Variants in URB1 observed in about 807,000 individuals in gnomAD.
URB1 encodes the protein nucleolar pre-ribosomal-associated protein 1.
Under a neutral mutation model 242.3 loss-of-function variants are expected in URB1, and 197 were observed. The observed-to-expected ratio is 0.81, with a 90% CI of 0.72 to 0.91. The LOEUF (loss-of-function observed/expected upper bound fraction) is 0.91. Ranked by LOEUF, URB1 falls within the 40% of genes least tolerant of loss-of-function variation. The pLI, the probability that URB1 is intolerant of heterozygous loss-of-function variation, is 0.00. For missense variants in URB1, 2,721 were observed against 2,860.5 expected, an observed-to-expected ratio of 0.95 and a Z score of 1.11; for synonymous variants, 1,153 against 1,201.8, an observed-to-expected ratio of 0.96 and a Z score of 0.84.
chr21:32,343,598 C>T (rs973690475), intron 24 of URB1, among the ~76,000 whole-genome samples: 2 of 152,040 alleles, frequency 1.3e-5, no homozygotes, highest in Non-Finnish European at 2.9e-5. Flanking sequence ...ATGTGGGGTA[C>T]ACAGATACAT....
chr21:32,367,239 C>A, intron 9 of URB1, among the ~76,000 whole-genome samples: 1 of 152,224 alleles, frequency 6.6e-6, no homozygotes, highest in East Asian at 1.9e-4. Flanking sequence ...TTCCTTAAGG[C>A]CACATAGCTA....
At chr21:32,385,346 A>T (rs2033572390) in intron 2 of URB1, among the ~76,000 whole-genome samples, 199 bp downstream of exon 2, 1 of 152,242 alleles carries the variant, frequency 6.6e-6, no homozygotes, top group South Asian at 2.1e-4. Flanking sequence ...TCAAATGTTA[A>T]TAATAAGTGA....
chr21:32,348,568 C>T (rs1180201937), intron 21 of URB1, among the ~76,000 whole-genome samples: 3 of 152,086 alleles, frequency 2.0e-5, no homozygotes, highest in Admixed American at 6.5e-5. Context: ...TCCTCGCCAA[C>T]GACACTCCAC....
At chr21:32,373,511 C>A in intron 7 of URB1, 136 bp downstream of exon 7, 2 of 986,576 alleles carry the variant, frequency 2.0e-6, no homozygotes, top group Non-Finnish European at 2.7e-6. Flanking sequence ...TTAATACAAC[C>A]ATATAACCAC....
intron 24 of URB1, among the ~76,000 whole-genome samples, chr21:32,342,445 G>C (rs1326334809): frequency 6.6e-6 from 1 of 152,166 alleles, no homozygotes; most frequent in Non-Finnish European, 1.5e-5. Flanking sequence ...CATCAGCTGA[G>C]GTATATCTCA....
At chr21:32,357,272 A>G (rs949816326) in intron 15 of URB1, among the ~76,000 whole-genome samples, 1 of 151,988 alleles carries the variant, frequency 6.6e-6, no homozygotes. Flanking sequence ...CAAGAAGCCA[A>G]AATTTAGTAT....
intron 30 of URB1, among the ~76,000 whole-genome samples, chr21:32,330,987 T>TA (rs1568811899): frequency 6.6e-6 from 1 of 152,194 alleles, no homozygotes; most frequent in Non-Finnish European, 1.5e-5. Context: ...AGGGCACTGA[T>TA]AGAGGATTGG....
At chr21:32,323,325 A>C (rs1157749505) in intron 32 of URB1, among the ~76,000 whole-genome samples, 1 of 152,226 alleles carries the variant, frequency 6.6e-6, no homozygotes, top group Non-Finnish European at 1.5e-5. Flanking sequence ...TTGACAAGCT[A>C]TCTACCCTTG....
At position 32,311,855 on chromosome 21, in the gene URB1, G is replaced by C. The variant is rs1402633111; in HGVS notation, c.*3063C>G. 1 of 1,614,130 alleles carries C rather than the reference G, an allele frequency of 6.2e-7. No homozygotes were observed. The highest frequency in any genetic ancestry group is 1.3e-5 in the African/African-American group (1 of 75,056). On this transcript the variant is annotated 3_prime_UTR_variant, in exon 39 of 39. Coordinates refer to ENST00000382751, the MANE Select transcript of URB1 (RefSeq NM_014825.3). ...GCCCTGACCAGCCGCTACGACAGGA[G>C]AGCTCCTCCACCTTGCCCCTCGGGG...
In URB1 at chr21:32,311,546, T is replaced by A; in HGVS notation, c.*3372A>T. On this transcript the variant is annotated 3_prime_UTR_variant, in exon 39 of 39. Transcript: ENST00000382751. ...GCCACCTTTGTGAGCTGGCTGACCC[T>A]TCTCAGGAATTTGCCTGTGTGGCCT... is the stretch of plus-strand genomic sequence containing the variant. 7.8e-7 allele frequency: 1 copy of A among 1,281,444 alleles called. No homozygotes were observed. The highest frequency in any genetic ancestry group is 1.1e-6 in the Non-Finnish European group (1 of 933,630). The allele number at this position is 1,281,444 out of a possible 1,614,324, so 79.4% of individuals were successfully genotyped here.
Position 32,322,496 on chromosome 21 carries a change from G to A in URB1, c.5322C>T (p.Phe1774=), listed in dbSNP as rs2032779432. 3 of 1,552,352 alleles carry A rather than the reference G, an allele frequency of 1.9e-6. No homozygotes were observed. The highest frequency in any genetic ancestry group is 2.6e-6 in the Non-Finnish European group (3 of 1,147,128). ...MDKVPGFYQF[F]YSSDFEQKTE... is the part of the protein sequence containing the mutation. ...AGCATACCTCAAAGTCGGAGCTGTA[G>A]AAGAACTGGTAGAAGCCTGGCACTT... The change falls in exon 33 of 39, where the codon TTC becomes TTT. Residue 1774 remains phenylalanine (F), a synonymous_variant. Transcript: ENST00000382751.
In URB1 at chr21:32,311,855, G is replaced by A; in HGVS notation, c.*3063C>T. 1 of 1,614,130 alleles carries A rather than the reference G, an allele frequency of 6.2e-7. No homozygotes were observed. Among genetic ancestry groups the A allele is most frequent in the Non-Finnish European group, 8.5e-7 (1 of 1,180,048 alleles). On this transcript the variant is annotated 3_prime_UTR_variant, in exon 39 of 39. Coordinates refer to ENST00000382751, the MANE Select transcript of URB1 (RefSeq NM_014825.3). ...GCCCTGACCAGCCGCTACGACAGGA[G>A]AGCTCCTCCACCTTGCCCCTCGGGG...
chr21:32,337,180 T>C lies in URB1; in HGVS notation c.4622-23A>G, dbSNP rs2032969325. The C allele has an allele frequency of 1.9e-6, 3 of 1,551,208 alleles. No individual in the cohort carries two copies. The East Asian group carries it at 7.3e-5, about 38-fold the overall frequency. ...GATCTACAAGTCAAAGCAGGATCGG[T>C]TTAGGAAGATGAACCCCTGACACCC... On this transcript the variant is annotated intron_variant, in intron 27 of 38. Transcript: ENST00000382751.
intron 28 of URB1, among the ~76,000 whole-genome samples, chr21:32,336,881 C>A (rs1026404056): frequency 9.2e-5 from 14 of 152,362 alleles, no homozygotes; most frequent in African/African-American, 3.4e-4. Context: ...CATCAGTCAG[C>A]TGCAGTGGCC....
At chr21:32,360,972 C>A (rs1409407637) in intron 13 of URB1, 35 bp downstream of exon 13, 2 of 1,453,596 alleles carry the variant, frequency 1.4e-6, no homozygotes, top group South Asian at 2.5e-5. Context: ...TTGGCAGCAA[C>A]AGTGGCGGCT....
In URB1 at chr21:32,392,553, G is replaced by A. The variant is rs372045386; in HGVS notation, c.142+216C>T. ...AAATAAATGTGTTGTAACATGAAAC[G>A]GTCCCAATCAAGCAAGTCGGGGCCC... is the stretch of plus-strand genomic sequence containing the variant. On this transcript the variant is annotated intron_variant, in intron 1 of 38. Transcript: ENST00000382751. Among the ~76,000 whole-genome samples, 61 of 152,338 alleles carry A rather than the reference G, an allele frequency of 4.0e-4. 1 individual carries two copies. The South Asian group carries it at 4.2e-3, about 10-fold the overall frequency.
Position 32,359,818 on chromosome 21 carries a change from T to C in URB1, c.1847A>G (p.Lys616Arg). 1 of 1,546,934 alleles carries C rather than the reference T, an allele frequency of 6.5e-7. No individual in the cohort carries two copies. The highest frequency in any genetic ancestry group is 8.7e-7 in the Non-Finnish European group (1 of 1,145,318). ...LKVALELPAS[K>R]FLWLKAQEGP... ...TACCTGTGCCTTTAACCACAGAAAC[T>C]TGCTGGCCGGCAGCTCCAGGGCCAC... The change falls in exon 14 of 39, where the codon AAG (lysine) becomes AGG (arginine). Residue 616 changes from lysine (K) to arginine (R), a missense_variant. Physicochemically the swap from Lys to Arg is conservative, Grantham distance 26. Coordinates refer to ENST00000382751, the MANE Select transcript of URB1 (RefSeq NM_014825.3).
chr21:32,366,695 G>C lies in URB1; in HGVS notation c.1258C>G (p.Pro420Ala), dbSNP rs1341365522. The change falls in exon 10 of 39, where the codon CCT becomes GCT. Residue 420 changes from proline to alanine, a missense_variant. Pro to Ala is a conservative substitution (Grantham distance 27). Transcript: ENST00000382751. ...AFQTREFIPL[P>A]RLLAMVMVTT... ...ACCATCACCATTGCCAGGAGCCGAG[G>C]CAAGGGTATAAACTCTCTGGTCTGA... 1 of 1,551,486 alleles carries C rather than the reference G, an allele frequency of 6.4e-7. No homozygotes were observed. The highest frequency in any genetic ancestry group is 8.7e-7 in the Non-Finnish European group (1 of 1,146,840).
In URB1 at chr21:32,316,998, C is replaced by T; in HGVS notation, c.6102G>A (p.Arg2034=). ...CCATCTCCTCTGCCTCCCCAGGCCT[C>T]CTCTTTCGGCCCCGTGGGCCTTTGG... ...ARAKGPRGRK[R]RPGEAEEMAD... The change falls in exon 38 of 39, where the codon AGG becomes AGA. Residue 2034 remains arginine, a synonymous_variant. Transcript: ENST00000382751. 6.4e-7 allele frequency: 1 copy of T among 1,551,548 alleles called. No individual in the cohort carries two copies. Among genetic ancestry groups the T allele is most frequent in the South Asian group, 1.2e-5 (1 of 84,022 alleles).
Sources: allele counts gnomAD v4.1 joint callset (sites outside exome capture counted in the v4.1 genomes callset), GRCh38; gene constraint gnomAD v4.1.1; transcripts MANE v1.5; gene names NCBI Gene and HGNC (gene_info 2026-07-23, HGNC 2026-07-21).